The following CLVS1 variants were observed in gnomAD, a reference collection of about 807,000 sequenced individuals.
CLVS1 encodes the protein clavesin-1.
A neutral mutation model predicts 33.1 loss-of-function variants in CLVS1; 10 were observed. The observed-to-expected ratio is 0.30, with a 90% CI of 0.19 to 0.51. The LOEUF is 0.51. Ranked by LOEUF, CLVS1 falls within the 20% of genes least tolerant of loss-of-function variation. The pLI is 0.97. For missense variants in CLVS1, 343 were observed against 433.4 expected (o/e 0.79, Z 1.85); for synonymous variants, 163 against 166.1 (o/e 0.98, Z 0.14).
chr8:61,113,638 G>A (rs1805667922), intron 1 of CLVS1, among the ~76,000 whole-genome samples: 1 of 152,182 alleles, frequency 6.6e-6, no homozygotes, highest in African/African-American at 2.4e-5. Flanking sequence ...TTTCAAGAAT[G>A]CAAGTTTCAG....
chr8:60,984,472 C>T, the CLVS1 span, among the ~76,000 whole-genome samples: 20 of 152,108 alleles, frequency 1.3e-4, no homozygotes, highest in Admixed American at 6.5e-4. Context: ...AGATTACAGG[C>T]GTCCGCCACC....
intron 2 of CLVS1, among the ~76,000 whole-genome samples, chr8:61,266,289 C>A (rs1809301347): frequency 9.1e-6 from 1 of 109,784 alleles, no homozygotes; most frequent in East Asian, 4.6e-4. Context: ...TCCAAATTTT[C>A]TTTCTTTTTT....
the CLVS1 span, among the ~76,000 whole-genome samples, chr8:60,991,381 A>G: frequency 6.6e-6 from 1 of 152,244 alleles, no homozygotes; most frequent in Non-Finnish European, 1.5e-5. Flanking sequence ...CCAAGCCAGA[A>G]AATACTTTGT....
intron 2 of CLVS1, among the ~76,000 whole-genome samples, chr8:61,138,802 A>T (rs1229296749): frequency 6.6e-6 from 1 of 152,206 alleles, no homozygotes; most frequent in East Asian, 1.9e-4. Context: ...TCATGGGGAA[A>T]GGGTAGTTTG....
chr8:61,211,390 C>T (rs1223988399), intron 2 of CLVS1, among the ~76,000 whole-genome samples: 1 of 149,174 alleles, frequency 6.7e-6, no homozygotes, highest in African/African-American at 2.5e-5. Context: ...TCTCTTCCTT[C>T]CCCCTTTACC....
At chr8:61,021,429 C>A in the CLVS1 span, among the ~76,000 whole-genome samples, 1 of 152,210 alleles carries the variant, frequency 6.6e-6, no homozygotes, top group Non-Finnish European at 1.5e-5. Flanking sequence ...CAGTTTACTG[C>A]AACCTCCACC....
chr8:61,112,290 C>T (rs974285046), intron 1 of CLVS1, among the ~76,000 whole-genome samples: 1 of 151,686 alleles, frequency 6.6e-6, no homozygotes, highest in South Asian at 2.1e-4. Context: ...TAGAATAAGG[C>T]CTACTTGATC....
At chr8:61,074,373 TATAA>T (rs1563392831) in intron 1 of CLVS1, among the ~76,000 whole-genome samples, 4,969 of 64,890 alleles carry the variant, frequency 0.077, 796 homozygotes, top group African/African-American at 0.39. Context: ...TATATATATA[TATAA>T]GTATATGTGT....
chr8:61,162,497 C>T (rs1488542890), intron 2 of CLVS1, among the ~76,000 whole-genome samples: 1 of 152,210 alleles, frequency 6.6e-6, no homozygotes, highest in East Asian at 1.9e-4. Context: ...GGAAGAATTT[C>T]TTACCAGTCA....
chr8:61,128,703 T>C (rs781708497), intron 1 of CLVS1, among the ~76,000 whole-genome samples: 22 of 152,218 alleles, frequency 1.4e-4, no homozygotes, highest in Non-Finnish European at 2.4e-4. Context: ...TACCTCTCCA[T>C]GTGAAGATGC....
intron 2 of CLVS1, among the ~76,000 whole-genome samples, chr8:61,314,098 C>T (rs1458685113): frequency 2.0e-5 from 3 of 152,156 alleles, no homozygotes; most frequent in South Asian, 2.1e-4. Flanking sequence ...AAGGCTTCGA[C>T]GTTACAGAAA....
rs1440556389 is a variant in CLVS1, at chr8:61,276,101, C to T, written c.-151-23576C>T. Among the ~76,000 whole-genome samples the T allele has an allele frequency of 2.6e-5, 4 of 152,124 alleles. No homozygotes were observed. The South Asian group carries it at 6.2e-4, about 24-fold the overall frequency. The stretch of plus-strand genomic sequence containing the variant: ...CAGAACTGAACATCCATTAAGAAAC[C>T]TATGCTTGGGATTTTCTAAGATACT... On this transcript the variant is annotated intron_variant, in intron 2 of 2. Coordinates refer to the CLVS1 transcript ENST00000522621.
intron 3 of CLVS1, among the ~76,000 whole-genome samples, chr8:61,412,193 G>A (rs574218488): frequency 6.7e-4 from 102 of 152,282 alleles, no homozygotes; most frequent in African/African-American, 2.4e-3. Flanking sequence ...TTTGGTGGAG[G>A]ATGTGAATAT....
At chr8:60,976,152 A>G in the CLVS1 span, among the ~76,000 whole-genome samples, 1 of 152,172 alleles carries the variant, frequency 6.6e-6, no homozygotes, top group Non-Finnish European at 1.5e-5. Context: ...AGCATATTTC[A>G]TACTTTTCCT....
chr8:61,061,599 C>T (rs962356088), intron 1 of CLVS1, among the ~76,000 whole-genome samples: 1 of 152,068 alleles, frequency 6.6e-6, no homozygotes, highest in Non-Finnish European at 1.5e-5. Flanking sequence ...ACAGGCATCC[C>T]CAAAGGAGGG....
At chr8:61,421,042 G>GAAAT (rs1227545540) in intron 3 of CLVS1, among the ~76,000 whole-genome samples, 3 of 152,198 alleles carry the variant, frequency 2.0e-5, no homozygotes, top group Non-Finnish European at 2.9e-5. Context: ...CAAGTTGAGA[G>GAAAT]AAATAGAAAT....
intron 2 of CLVS1, among the ~76,000 whole-genome samples, chr8:61,150,278 G>A (rs141222626): frequency 3.9e-5 from 6 of 152,162 alleles, no homozygotes; most frequent in Non-Finnish European, 8.8e-5. Flanking sequence ...TGGTCCAGCA[G>A]GGGAAGGCAC....
At chr8:61,113,557 G>C (rs1173008345) in intron 1 of CLVS1, among the ~76,000 whole-genome samples, 1 of 152,182 alleles carries the variant, frequency 6.6e-6, no homozygotes, top group Non-Finnish European at 1.5e-5. Context: ...AAGTAACCCA[G>C]CTGCCCATAG....
intron 3 of CLVS1, among the ~76,000 whole-genome samples, chr8:61,415,026 C>T (rs571874949): frequency 2.6e-5 from 4 of 152,336 alleles, no homozygotes; most frequent in East Asian, 1.9e-4. Flanking sequence ...AATAGTTAAC[C>T]GAGGTTTCCC....
Sources: gnomAD v4.1 joint callset for allele counts (sites outside exome capture counted in the v4.1 genomes callset) on GRCh38, gnomAD v4.1.1 for gene constraint, MANE v1.5 for transcripts, NCBI Gene and HGNC (gene_info 2026-07-23, HGNC 2026-07-21) for gene names.